The following EPHA4 variants were observed in gnomAD, a reference collection of about 807,000 sequenced individuals.
EPHA4 encodes ephrin type-A receptor 4.
In EPHA4, 19 loss-of-function variants were observed where a neutral mutation model predicts 108.3. That is an observed-to-expected ratio of 0.18 (90% CI 0.12 to 0.26). The LOEUF (loss-of-function observed/expected upper bound fraction) is 0.26. Ranked by LOEUF, EPHA4 falls within the 10% of genes least tolerant of loss-of-function variation. The pLI, the probability that EPHA4 is intolerant of heterozygous loss-of-function variation, is 1.00. For missense variants in EPHA4, 917 were observed against 1,254.0 expected (o/e 0.73, Z 4.06); for synonymous variants, 449 against 455.5 (o/e 0.99, Z 0.18).
chr2:221,514,915 T>A (rs1398235264), intron 3 of EPHA4, among the ~76,000 whole-genome samples: 4 of 152,052 alleles, frequency 2.6e-5, no homozygotes, highest in Admixed American at 2.6e-4. Flanking sequence ...GAGAAACAGA[T>A]CAGGCTTATT....
chr2:221,534,482 C>G (rs1390830705), intron 3 of EPHA4, among the ~76,000 whole-genome samples: 2 of 152,210 alleles, frequency 1.3e-5, no homozygotes, highest in Non-Finnish European at 2.9e-5. Context: ...AGATGAAAAA[C>G]TGCATCTTGC....
chr2:221,436,636 CT>C (rs1690248596), intron 12 of EPHA4, 28 bp from the exon 13 acceptor site: 4 of 1,605,778 alleles, frequency 2.5e-6, no homozygotes, highest in East Asian at 2.2e-5. Flanking sequence ...GAGGAACAAT[CT>C]CATTAGCATT....
intron 3 of EPHA4, among the ~76,000 whole-genome samples, chr2:221,516,450 G>A (rs904135299): frequency 2.0e-5 from 3 of 150,206 alleles, no homozygotes; most frequent in Non-Finnish European, 4.5e-5. Context: ...CGCCTCTCAG[G>A]TTCAAGTGAT....
intron 4 of EPHA4, among the ~76,000 whole-genome samples, chr2:221,499,752 A>ATTTTTTTTTT (rs1279174124): frequency 4.8e-5 from 2 of 41,352 alleles, no homozygotes; most frequent in African/African-American, 2.8e-4. Context: ...ATATATATAT[A>ATTTTTTTTTT]TATATTTTTT....
Position 221,446,243 on chromosome 2 carries a change from C to A in EPHA4, c.1716-62G>T, listed in dbSNP as rs560959017. On this transcript the variant is annotated intron_variant, in intron 8 of 17. Coordinates refer to ENST00000281821, the MANE Select transcript of EPHA4 (RefSeq NM_004438.5). ...TCAAACACCTAAGCTTTAACACATG[C>A]CATAAGACAAATTCTTTGCTACTGT... 4 of 1,017,172 alleles carry A rather than the reference C, an allele frequency of 3.9e-6. No individual in the cohort carries two copies. The African/African-American group carries it at 6.7e-5, about 17-fold the overall frequency. 63.0% of individuals were successfully genotyped at this position (1,017,172 alleles called of 1,614,324 possible).
chr2:221,566,944 GA>G (rs1559297339), intron 2 of EPHA4, among the ~76,000 whole-genome samples: 12 of 7,698 alleles, frequency 1.6e-3, no homozygotes, highest in South Asian at 2.9e-3. Flanking sequence ...GAAGGAGAAG[GA>G]GAAGGAGAAG....
intron 3 of EPHA4, among the ~76,000 whole-genome samples, chr2:221,503,107 A>G (rs1467555999): frequency 6.6e-6 from 1 of 152,206 alleles, no homozygotes; most frequent in Non-Finnish European, 1.5e-5. Flanking sequence ...CTGAACAGGA[A>G]CACAAACCCA....
upstream of EPHA4, chr2:221,573,790 C>G (rs1050428763): frequency 1.3e-5 from 2 of 152,246 alleles, no homozygotes; most frequent in African/African-American, 4.8e-5. This position sits in a 1 kb window ranked among gnomAD's most constrained non-coding sequence, Gnocchi z 4.5. Flanking sequence ...AGAGGTGGTG[C>G]GTGCGTTTGG....
At chr2:221,471,064 G>T (rs1283490874) in intron 5 of EPHA4, among the ~76,000 whole-genome samples, 1 of 151,928 alleles carries the variant, frequency 6.6e-6, no homozygotes, top group Non-Finnish European at 1.5e-5. Context: ...ATAAGAATGG[G>T]GCAGAAACAA....
intron 17 of EPHA4, chr2:221,422,212 T>G (rs1479422246): frequency 6.6e-6 from 1 of 152,196 alleles, no homozygotes; most frequent in Non-Finnish European, 1.5e-5. Context: ...CTATTTCCTC[T>G]CTGGAAATCG....
rs142384589 is a variant in EPHA4, at chr2:221,533,612, G to A, written c.823+30119C>T. Among the ~76,000 whole-genome samples, 509 of 151,428 alleles carry A rather than the reference G, an allele frequency of 3.4e-3. 3 individuals are homozygous for A. Among genetic ancestry groups the A allele is most frequent in the African/African-American group, 0.011 (473 of 41,284 alleles). ...ATTACAGCACGCTGAACGAGTTCCA[G>A]TCTATGGAGTTTCAAAACATATATA... On this transcript the variant is annotated intron_variant, in intron 3 of 17. Coordinates refer to ENST00000281821, the MANE Select transcript of EPHA4 (RefSeq NM_004438.5).
intron 17 of EPHA4, among the ~76,000 whole-genome samples, chr2:221,422,805 C>T (rs1689794723): frequency 6.6e-6 from 1 of 152,086 alleles, no homozygotes; most frequent in Non-Finnish European, 1.5e-5. Context: ...ATGTCTTTAC[C>T]ATCCAGTTCT....
At chr2:221,462,409 T>G (rs1037090933) in intron 5 of EPHA4, among the ~76,000 whole-genome samples, 2 of 152,030 alleles carry the variant, frequency 1.3e-5, no homozygotes, top group African/African-American at 2.4e-5. Context: ...ATTTCAGCAG[T>G]TTTTAACCCA....
At chr2:221,490,565 T>C (rs1692109859) in intron 4 of EPHA4, among the ~76,000 whole-genome samples, 1 of 152,162 alleles carries the variant, frequency 6.6e-6, no homozygotes, top group Non-Finnish European at 1.5e-5. Context: ...GTCCAACACA[T>C]ATCTTGGAGG....
At chr2:221,518,824 T>A (rs1248446350) in intron 3 of EPHA4, among the ~76,000 whole-genome samples, 1 of 152,148 alleles carries the variant, frequency 6.6e-6, no homozygotes, top group African/African-American at 2.4e-5. Flanking sequence ...GGTCTGCTGA[T>A]AATACTTAAA....
intron 5 of EPHA4, among the ~76,000 whole-genome samples, chr2:221,459,221 G>A (rs1430223): frequency 0.75 from 114,404 of 151,872 alleles, 43,185 homozygotes; most frequent in East Asian, 0.87. Flanking sequence ...AATCCAGTAC[G>A]GTAGAGACTG....
intron 14 of EPHA4, among the ~76,000 whole-genome samples, chr2:221,431,984 T>C (rs1032143076): frequency 1.3e-5 from 2 of 152,128 alleles, no homozygotes; most frequent in African/African-American, 2.4e-5. Context: ...TCCTATTGAT[T>C]CCTGTTCTAC....
chr2:221,439,391 G>A (rs1690343870), intron 11 of EPHA4, among the ~76,000 whole-genome samples: 1 of 151,794 alleles, frequency 6.6e-6, no homozygotes, highest in African/African-American at 2.4e-5. Context: ...AGCTACTCGG[G>A]AGGCTGAGAC....
intron 17 of EPHA4, among the ~76,000 whole-genome samples, chr2:221,421,169 C>T (rs368840156): frequency 1.0e-3 from 153 of 152,038 alleles, no homozygotes; most frequent in African/African-American, 3.4e-3. Flanking sequence ...TGGTGGCGGG[C>T]GCCTGTAGTC....
Sources: gnomAD v4.1 joint callset for allele counts (sites outside exome capture counted in the v4.1 genomes callset) on GRCh38, gnomAD v4.1.1 for gene constraint, Gnocchi (gnomAD v3.1) non-coding constraint, MANE v1.5 for transcripts, NCBI Gene and HGNC (gene_info 2026-07-23, HGNC 2026-07-21) for gene names.